Variants in ADAM12 observed in about 807,000 individuals in gnomAD.
ADAM12 encodes ADAM metallopeptidase domain 12.
In ADAM12, 70 loss-of-function variants were observed where a neutral mutation model predicts 106.4. That is an observed-to-expected ratio of 0.66 (90% CI 0.54 to 0.80). The LOEUF (loss-of-function observed/expected upper bound fraction) is 0.80. Among genes scored for constraint, ADAM12 ranks in the 30% least tolerant of loss-of-function variants. The pLI, the probability that ADAM12 is intolerant of heterozygous loss-of-function variation, is 0.00. For missense variants in ADAM12, 1,010 were observed against 1,171.9 expected (o/e 0.86, Z 2.02); for synonymous variants, 420 against 433.5 (o/e 0.97, Z 0.39).
chr10:126,370,318 C>G (rs915282706), intron 1 of ADAM12, among the ~76,000 whole-genome samples: 4 of 152,184 alleles, frequency 2.6e-5, no homozygotes, highest in African/African-American at 9.7e-5. Context: ...AACAAATGCA[C>G]TCATGCATGT....
rs548082316 is a variant in ADAM12, at chr10:126,335,377, A to C, written c.89-4868T>G. On this transcript the variant is annotated intron_variant, in intron 1 of 22. Transcript: ENST00000448723. ...TGCAAAAAGTAGAATTAAGATAAAC[A>C]TCCTTTTGAAAAATCTAAGTGAAAG... Among the ~76,000 whole-genome samples, 72 of 152,344 alleles carry C rather than the reference A, an allele frequency of 4.7e-4. 1 individual carries two copies. In the South Asian group the frequency reaches 0.014, roughly 31 times the overall value.
chr10:126,124,033 T>C (rs1956158350), intron 5 of ADAM12, among the ~76,000 whole-genome samples: 1 of 152,176 alleles, frequency 6.6e-6, no homozygotes, highest in African/African-American at 2.4e-5. Flanking sequence ...AATTAGTTTT[T>C]AATCTCCAAA....
chr10:126,131,875 G>T (rs1277588944), intron 5 of ADAM12, among the ~76,000 whole-genome samples: 1 of 152,076 alleles, frequency 6.6e-6, no homozygotes, highest in African/African-American at 2.4e-5. Flanking sequence ...AATAGACCGT[G>T]ATAATATTAG....
At chr10:126,232,020 T>G (rs1401052549) in intron 3 of ADAM12, among the ~76,000 whole-genome samples, 1 of 152,234 alleles carries the variant, frequency 6.6e-6, no homozygotes, top group Non-Finnish European at 1.5e-5. Flanking sequence ...AAAGGAATTC[T>G]GGACATGAGT....
intron 14 of ADAM12, among the ~76,000 whole-genome samples, chr10:126,054,116 T>C (rs1954574298): frequency 6.6e-6 from 1 of 152,188 alleles, no homozygotes; most frequent in Non-Finnish European, 1.5e-5. Flanking sequence ...TGTTTCTAGG[T>C]TCAAGTACCC....
intron 11 of ADAM12, among the ~76,000 whole-genome samples, chr10:126,089,215 T>C (rs548923863): frequency 6.6e-6 from 1 of 152,318 alleles, no homozygotes; most frequent in South Asian, 2.1e-4. Flanking sequence ...AATGTGAATG[T>C]GCTCCTTGGT....
intron 3 of ADAM12, among the ~76,000 whole-genome samples, chr10:126,183,000 T>C (rs987218683): frequency 9.9e-5 from 15 of 152,134 alleles, no homozygotes; most frequent in African/African-American, 3.6e-4. Context: ...TTGCTTACAT[T>C]ACTGCCAGAG....
At chr10:126,019,654 G>A (rs941274896) in intron 22 of ADAM12, 41 bp downstream of exon 22, 2 of 1,601,456 alleles carry the variant, frequency 1.2e-6, no homozygotes, top group African/African-American at 2.7e-5. Flanking sequence ...TCCCACAAGA[G>A]TTTGAGAGAG....
At chr10:126,085,459 G>A (rs1278355) in intron 11 of ADAM12, among the ~76,000 whole-genome samples, 3 of 151,924 alleles carry the variant, frequency 2.0e-5, no homozygotes, top group Non-Finnish European at 4.4e-5. Context: ...ACTCATCATC[G>A]CTCTCTCCAT....
chr10:126,017,486 AC>A, intron 22 of ADAM12, 147 bp from the exon 23 acceptor site: 1 of 699,458 alleles, frequency 1.4e-6, no homozygotes. Flanking sequence ...GGGGTGGGAA[AC>A]CTGTCTCCAA....
intron 3 of ADAM12, among the ~76,000 whole-genome samples, chr10:126,275,679 C>T (rs1364040000): frequency 1.3e-5 from 2 of 152,234 alleles, no homozygotes; most frequent in African/African-American, 4.8e-5. Flanking sequence ...ATTTTTTGCT[C>T]TTTAAAAGTC....
chr10:126,346,908 A>G (rs1482127061), intron 1 of ADAM12, among the ~76,000 whole-genome samples: 1 of 152,154 alleles, frequency 6.6e-6, no homozygotes, highest in Non-Finnish European at 1.5e-5. Context: ...TTTTGAGCCT[A>G]TGTGTGTCTC....
chr10:126,167,865 A>G (rs183671625), intron 3 of ADAM12, among the ~76,000 whole-genome samples: 95 of 152,326 alleles, frequency 6.2e-4, no homozygotes, highest in African/African-American at 2.1e-3. Context: ...ATGAGTTGGT[A>G]TATGGCCATT....
chr10:126,200,060 G>A (rs1008891317), intron 3 of ADAM12, among the ~76,000 whole-genome samples: 15 of 152,236 alleles, frequency 9.9e-5, no homozygotes, highest in South Asian at 4.2e-4. Context: ...TACCACCTAC[G>A]AGATGCTCTT....
At chr10:126,105,763 C>G (rs191064317) in intron 8 of ADAM12, among the ~76,000 whole-genome samples, 54 of 152,194 alleles carry the variant, frequency 3.5e-4, no homozygotes, top group African/African-American at 1.3e-3. Context: ...TCCTCTAAGA[C>G]CCACCCTTCA....
At chr10:126,333,378 A>G (rs1854588735) in intron 1 of ADAM12, among the ~76,000 whole-genome samples, 1 of 152,238 alleles carries the variant, frequency 6.6e-6, no homozygotes, top group South Asian at 2.1e-4. Flanking sequence ...CCACACTACC[A>G]AAAGGCCTGG....
In ADAM12 at chr10:126,016,022, C is replaced by T. The variant is rs1198924749; in HGVS notation, c.*1257G>A. On this transcript the variant is annotated 3_prime_UTR_variant, in exon 23 of 23. Coordinates refer to ENST00000448723, the MANE Select transcript of ADAM12 (RefSeq NM_001288973.2). ...TTTCCTTATCACATTCTGTGATGCT[C>T]AACAGGTAGGTTGCAAGTGTTTAAG... 2.0e-5 allele frequency: 3 copies of T among 152,088 alleles called. No homozygotes were observed. The highest frequency in any genetic ancestry group is 4.4e-5 in the Non-Finnish European group (3 of 68,020). 9.4% of individuals were successfully genotyped at this position (152,088 alleles called of 1,614,324 possible).
At chr10:126,084,229 C>T (rs575794056) in intron 11 of ADAM12, among the ~76,000 whole-genome samples, 1 of 152,288 alleles carries the variant, frequency 6.6e-6, no homozygotes, top group South Asian at 2.1e-4. Context: ...CAGGAAGCTT[C>T]TGGACGTTAC....
intron 3 of ADAM12, among the ~76,000 whole-genome samples, chr10:126,174,183 T>C (rs985097003): frequency 6.6e-6 from 1 of 150,640 alleles, no homozygotes; most frequent in Non-Finnish European, 1.5e-5. Flanking sequence ...GTTGTTCCCC[T>C]CCTCCCCCTT....
Sources: allele counts gnomAD v4.1 joint callset (sites outside exome capture counted in the v4.1 genomes callset), GRCh38; gene constraint gnomAD v4.1.1; transcripts MANE v1.5; gene names NCBI Gene and HGNC (gene_info 2026-07-23, HGNC 2026-07-21).